ANKRD31: variants seen among roughly 807,000 people sequenced by gnomAD.
ANKRD31 encodes the protein ankyrin repeat domain-containing protein 31.
A neutral mutation model predicts 186.0 loss-of-function variants in ANKRD31; 147 were observed. That is an observed-to-expected ratio of 0.79 (90% CI 0.69 to 0.91). The LOEUF (loss-of-function observed/expected upper bound fraction) is 0.91. Ranked by LOEUF, ANKRD31 falls within the 40% of genes least tolerant of loss-of-function variation. ANKRD31 has a pLI of 0.00. For synonymous variants in ANKRD31, 673 were observed against 736.4 expected, an observed-to-expected ratio of 0.91 and a Z score of 1.39; for missense variants, 1,986 against 2,148.8, an observed-to-expected ratio of 0.92 and a Z score of 1.50.
At chr5:75,207,277 A>G (rs1377132569) in intron 4 of ANKRD31, among the ~76,000 whole-genome samples, 1 of 152,212 alleles carries the variant, frequency 6.6e-6, no homozygotes, top group African/African-American at 2.4e-5. Context: ...ATAAAAATGA[A>G]GCTATTCATG....
chr5:75,223,348 G>A (rs1757420707), intron 2 of ANKRD31, among the ~76,000 whole-genome samples: 1 of 152,044 alleles, frequency 6.6e-6, no homozygotes. Context: ...ATGAATAAAG[G>A]CAATCAATAT....
chr5:75,194,607 A>C (rs1171316443), intron 7 of ANKRD31, among the ~76,000 whole-genome samples: 1 of 152,168 alleles, frequency 6.6e-6, no homozygotes, highest in Non-Finnish European at 1.5e-5. Context: ...AAAAGAAAGA[A>C]AACAATCCAA....
At chr5:75,088,242 G>T (rs910858253) in intron 23 of ANKRD31, among the ~76,000 whole-genome samples, 1 of 152,108 alleles carries the variant, frequency 6.6e-6, no homozygotes. Flanking sequence ...AAGTATGTGT[G>T]GGGGGTGAGG....
At chr5:75,116,124 T>G (rs1168762792) in intron 19 of ANKRD31, among the ~76,000 whole-genome samples, 1 of 150,226 alleles carries the variant, frequency 6.7e-6, no homozygotes, top group Admixed American at 6.6e-5. Flanking sequence ...ATGGATGAAA[T>G]TGGAAATCAT....
In ANKRD31 at chr5:75,085,395, G is replaced by A. The variant is rs74346857; in HGVS notation, c.5473-1021C>T. ...CTTTTAATTTTTTTTTTTTGAGAGA[G>A]TCTTACTCTGTCACCCAGGCTGGAG... On this transcript the variant is annotated intron_variant, in intron 23 of 25. Coordinates refer to ENST00000506364, the MANE Select transcript of ANKRD31 (RefSeq NM_001372053.1). 2.4e-3 allele frequency among the ~76,000 whole-genome samples: 363 copies of A among 151,072 alleles called. 8 individuals are homozygous for A. The East Asian group carries it at 0.061, about 25-fold the overall frequency.
intron 1 of ANKRD31, among the ~76,000 whole-genome samples, chr5:75,234,864 T>C (rs1389844133): frequency 6.6e-6 from 1 of 151,968 alleles, no homozygotes; most frequent in African/African-American, 2.4e-5. Context: ...CTTTGATTCA[T>C]ATGGAATTTT....
Position 75,112,525 on chromosome 5 carries a change from G to A in ANKRD31, c.4231C>T (p.Pro1411Ser). ...EYLLEFEIRN[P>S]EDAEQYIEKM... The stretch of plus-strand genomic sequence containing the variant: ...AGTCTATATTTACCTGCATCTTCAG[G>A]GTTTCTTATTTCAAACTCTAATAAA... The change falls in exon 20 of 26, where the codon CCT (proline) becomes TCT (serine). Residue 1411 changes from proline (P) to serine (S), a missense_variant. By Grantham distance (74) the Pro-to-Ser change is moderately conservative (BLOSUM62 -1). Transcript: ENST00000506364. The A allele has an allele frequency of 6.6e-7, 1 of 1,503,894 alleles. No homozygotes were observed. The highest frequency in any genetic ancestry group is 8.9e-7 in the Non-Finnish European group (1 of 1,121,612). The allele number at this position is 1,503,894 out of a possible 1,614,324, so 93.2% of individuals were successfully genotyped here. A position where few individuals can be genotyped will look rare whatever the true frequency, so the allele number is the denominator to read the frequency against.
At chr5:75,178,449 C>A (rs1754000274) in intron 10 of ANKRD31, among the ~76,000 whole-genome samples, 1 of 152,130 alleles carries the variant, frequency 6.6e-6, no homozygotes, top group African/African-American at 2.4e-5. Context: ...CAGCACCACA[C>A]CACACCTATT....
At chr5:75,158,157 G>T (rs1439788366) in intron 11 of ANKRD31, among the ~76,000 whole-genome samples, 7 of 152,040 alleles carry the variant, frequency 4.6e-5, no homozygotes, top group African/African-American at 1.4e-4. Context: ...CTAAATGTAG[G>T]CCAAACTCAA....
intron 9 of ANKRD31, among the ~76,000 whole-genome samples, chr5:75,191,388 T>C (rs1184622117): frequency 6.6e-6 from 1 of 152,092 alleles, no homozygotes; most frequent in Non-Finnish European, 1.5e-5. Context: ...ATAACTTTAA[T>C]TTCTGTAGCT....
chr5:75,101,153 G>A (rs1746841302), intron 22 of ANKRD31, among the ~76,000 whole-genome samples: 1 of 152,138 alleles, frequency 6.6e-6, no homozygotes, highest in Admixed American at 6.5e-5. Flanking sequence ...TTGCTTGTCT[G>A]TGAAGGATTT....
rs1177512421 is a variant in ANKRD31 at position 75,222,281 on chromosome 5, T to C, written c.256A>G (p.Met86Val). ...LQEQMNKNKM[M>V]PVLSEDTILQ... ...ATTGTATCCTCGCTAAGAACAGGCA[T>C]CATCTTATTTTTATTCATTTGCTCT... Residue 86 changes from methionine (M) to valine (V), a missense_variant, in exon 3 of 26, where the codon ATG becomes GTG. Transcript: ENST00000506364. 1.3e-6 allele frequency: 2 copies of C among 1,536,550 alleles called. No homozygotes were observed. The highest frequency in any genetic ancestry group is 1.7e-6 in the Non-Finnish European group (2 of 1,146,546).
At chr5:75,177,860 C>T (rs1753940227) in intron 10 of ANKRD31, among the ~76,000 whole-genome samples, 1 of 152,168 alleles carries the variant, frequency 6.6e-6, no homozygotes, top group South Asian at 2.1e-4. Flanking sequence ...ATCATAATAA[C>T]AGGATCAAAT....
intron 2 of ANKRD31, among the ~76,000 whole-genome samples, chr5:75,224,135 A>ATATATATATATATATATATATG (rs1757478594): frequency 1.7e-5 from 1 of 59,060 alleles, no homozygotes. Context: ...ATAATTATAT[A>ATATATATATATATATATATATG]TATATATATA....
At position 75,138,902 on chromosome 5, in the gene ANKRD31, G is replaced by T; in HGVS notation, c.3677C>A (p.Pro1226His). ...LHLAVRRGNL[P>H]LVKALIESGA... ...AGATTCTATCAGGGCTTTCACTAGG[G>T]GCAGATTTCCTCTTCTGACAGCTAA... The change falls in exon 16 of 26, where the codon CCC becomes CAC. Residue 1226 changes from proline to histidine, a missense_variant. Coordinates refer to ENST00000506364, the MANE Select transcript of ANKRD31 (RefSeq NM_001372053.1). 1 of 1,536,706 alleles carries T rather than the reference G, an allele frequency of 6.5e-7. No individual in the cohort carries two copies. The highest frequency in any genetic ancestry group is 1.2e-5 in the South Asian group (1 of 84,026).
rs147141355 is a variant in ANKRD31, at chr5:75,168,240, G to T, written c.1707+739C>A. Among the ~76,000 whole-genome samples the T allele has an allele frequency of 5.8e-4, 89 of 152,186 alleles. 1 individual carries two copies. Among genetic ancestry groups the T allele is most frequent in the African/African-American group, 2.0e-3 (85 of 41,528 alleles). Reference sequence around the variant, plus strand: ...GTGTTAGGCATTTCTTCTGTAAATAGGCAGAACAAATCTTCTTAATCCCAG... The same window carrying T: ...GTGTTAGGCATTTCTTCTGTAAATATGCAGAACAAATCTTCTTAATCCCAG... On this transcript the variant is annotated intron_variant, in intron 11 of 25. Transcript: ENST00000506364.
intron 23 of ANKRD31, among the ~76,000 whole-genome samples, chr5:75,088,102 G>T (rs1434208960): frequency 1.3e-5 from 2 of 152,204 alleles, no homozygotes; most frequent in Non-Finnish European, 2.9e-5. Flanking sequence ...GACACATTGA[G>T]AGTGTGAGTA....
intron 17 of ANKRD31, among the ~76,000 whole-genome samples, chr5:75,118,528 C>T (rs542441894): frequency 6.6e-6 from 1 of 152,214 alleles, no homozygotes; most frequent in Admixed American, 6.5e-5. Flanking sequence ...CAATATGCTG[C>T]CTTCATTGCA....
chr5:75,224,353 T>C (rs1757513030), intron 2 of ANKRD31, among the ~76,000 whole-genome samples: 1 of 151,564 alleles, frequency 6.6e-6, no homozygotes. Context: ...AATTACTCTG[T>C]ATAACAGGAT....
Sources: gnomAD v4.1 joint callset for allele counts (sites outside exome capture counted in the v4.1 genomes callset) on GRCh38, gnomAD v4.1.1 for gene constraint, MANE v1.5 for transcripts, NCBI Gene and HGNC (gene_info 2026-07-23, HGNC 2026-07-21) for gene names.